CDKL3: variants seen among roughly 807,000 people sequenced by gnomAD.
The protein encoded by CDKL3 is cyclin dependent kinase like 3, also known as cyclin-dependent kinase-like 3.
In CDKL3, 65 loss-of-function variants were observed where a neutral mutation model predicts 69.3. The observed-to-expected ratio is 0.94, with a 90% confidence interval of 0.77 to 1.15. CDKL3 has a LOEUF of 1.15. Among genes scored for constraint, CDKL3 ranks in the 50% most tolerant of loss-of-function variants. The pLI is 0.00. For synonymous variants in CDKL3, 202 were observed against 221.6 expected (o/e 0.91, Z 0.79); for missense variants, 652 against 689.2 (o/e 0.95, Z 0.61).
intron 3 of CDKL3, among the ~76,000 whole-genome samples, chr5:134,356,876 C>T (rs1754738105): frequency 6.6e-6 from 1 of 151,816 alleles, no homozygotes; most frequent in South Asian, 2.1e-4. Context: ...TTTAGCTCCA[C>T]GTGGATGAGG....
At chr5:134,336,792 C>T (rs558366604) in intron 4 of CDKL3, among the ~76,000 whole-genome samples, 1 of 152,270 alleles carries the variant, frequency 6.6e-6, no homozygotes, top group Non-Finnish European at 1.5e-5. Flanking sequence ...GTCAGGGACC[C>T]ACTTGAGGAG....
At chr5:134,371,542 GGGGCTGCGC>G (rs1758413294), upstream of CDKL3, 1 of 1,594,624 alleles carries the variant, frequency 6.3e-7, no homozygotes, top group Non-Finnish European at 8.5e-7. Flanking sequence ...GGGGGGTGGG[GGGGCTGCGC>G]GGGACTTTTT....
At chr5:134,363,957 T>TC (rs1756703662) in intron 2 of CDKL3, among the ~76,000 whole-genome samples, 3 of 96,434 alleles carry the variant, frequency 3.1e-5, no homozygotes, top group African/African-American at 1.3e-4. Context: ...CTCCATTTCT[T>TC]AAAAAAAAAA....
chr5:134,293,134 C>T (rs1410057277), intron 8 of CDKL3, among the ~76,000 whole-genome samples: 2 of 149,888 alleles, frequency 1.3e-5, no homozygotes, highest in South Asian at 2.1e-4. Context: ...AGTTCTCCTG[C>T]CTCAGCCTCC....
intron 3 of CDKL3, among the ~76,000 whole-genome samples, chr5:134,350,939 T>G (rs1753152990): frequency 6.6e-6 from 1 of 152,116 alleles, no homozygotes; most frequent in Non-Finnish European, 1.5e-5. Flanking sequence ...TGCCCTTTCA[T>G]GTCCTTCACA....
intron 4 of CDKL3, among the ~76,000 whole-genome samples, chr5:134,326,815 GTGTATATA>G (rs1774341951): frequency 1.2e-5 from 1 of 81,532 alleles, no homozygotes; most frequent in African/African-American, 5.6e-5. Context: ...ATATATGTGT[GTGTATATA>G]TATATATATA....
chr5:134,298,902 T>G (rs995734009), intron 12 of CDKL3, among the ~76,000 whole-genome samples, 192 bp from the exon 13 acceptor site: 14 of 152,018 alleles, frequency 9.2e-5, no homozygotes, highest in African/African-American at 3.4e-4. Flanking sequence ...CGGGATGGAG[T>G]CTCGCTCTGT....
At position 134,308,817 on chromosome 5, in the gene CDKL3, A is replaced by C. The variant is rs188016354; in HGVS notation, c.882-90T>G. The C allele has an allele frequency of 1.8e-4, 199 of 1,088,332 alleles. 2 individuals are homozygous for C. The East Asian group carries it at 5.1e-3, about 28-fold the overall frequency. The allele number at this position is 1,088,332 out of a possible 1,614,324, so 67.4% of individuals were successfully genotyped here. On this transcript the variant is annotated intron_variant, in intron 7 of 12. Coordinates refer to ENST00000265334, the MANE Select transcript of CDKL3 (RefSeq NM_001113575.2). ...AATAAACCATTTCATCAATTAATGT[A>C]CATTTCAGCTACAGCATAAATAATG...
intron 6 of CDKL3, among the ~76,000 whole-genome samples, chr5:134,313,494 TGAG>T (rs1407074483): frequency 1.3e-5 from 2 of 152,254 alleles, no homozygotes; most frequent in East Asian, 1.9e-4. Flanking sequence ...ATTATACAGA[TGAG>T]GAGACTGAGG....
chr5:134,351,664 T>C (rs1042273817), intron 3 of CDKL3, among the ~76,000 whole-genome samples: 6 of 152,148 alleles, frequency 3.9e-5, no homozygotes, highest in African/African-American at 1.2e-4. Context: ...TCTGGTTATG[T>C]TGCTCAGGCT....
intron 3 of CDKL3, among the ~76,000 whole-genome samples, chr5:134,357,269 C>A (rs1225729372): frequency 1.3e-5 from 2 of 151,916 alleles, no homozygotes; most frequent in African/African-American, 2.4e-5. Context: ...CACGGTGAAA[C>A]CCCGTCTCTA....
intron 7 of CDKL3, among the ~76,000 whole-genome samples, chr5:134,311,217 A>T (rs1215463800): frequency 1.3e-5 from 2 of 152,118 alleles, no homozygotes; most frequent in East Asian, 3.9e-4. Flanking sequence ...AACAACAGGC[A>T]CTGCAGCCGG....
At chr5:134,338,260 G>A (rs1777574860) in intron 4 of CDKL3, among the ~76,000 whole-genome samples, 1 of 152,010 alleles carries the variant, frequency 6.6e-6, no homozygotes, top group African/African-American at 2.4e-5. Context: ...AAAGGGAATA[G>A]AATGACATAA....
chr5:134,301,326 T>A (rs967437970), intron 12 of CDKL3, among the ~76,000 whole-genome samples: 1 of 152,150 alleles, frequency 6.6e-6, no homozygotes, highest in Non-Finnish European at 1.5e-5. Flanking sequence ...ACAACATTTC[T>A]TCTCTGCAAA....
At chr5:134,286,851 T>G (rs568404280) in intron 8 of CDKL3, among the ~76,000 whole-genome samples, 28 of 152,264 alleles carry the variant, frequency 1.8e-4, no homozygotes, top group Non-Finnish European at 3.7e-4. Flanking sequence ...ATGAGATTTG[T>G]GTGGGGACAC....
chr5:134,371,479 G>T, upstream of CDKL3: 1 of 1,266,858 alleles, frequency 7.9e-7, no homozygotes, highest in Non-Finnish European at 1.1e-6. Context: ...AGTCTCGGCG[G>T]CGGCGGCGGC....
chr5:134,359,176 C>G (rs1755362933), intron 3 of CDKL3, among the ~76,000 whole-genome samples: 1 of 151,960 alleles, frequency 6.6e-6, no homozygotes, highest in Non-Finnish European at 1.5e-5. Flanking sequence ...TCATCTCGGA[C>G]AAACACCGAG....
At chr5:134,355,669 T>G (rs1038536789) in intron 3 of CDKL3, among the ~76,000 whole-genome samples, 14 of 147,174 alleles carry the variant, frequency 9.5e-5, no homozygotes, top group African/African-American at 3.7e-4. Context: ...CCTAATTCCA[T>G]TTAACAAATT....
At chr5:134,333,540 C>T (rs192895920) in intron 4 of CDKL3, among the ~76,000 whole-genome samples, 3 of 152,252 alleles carry the variant, frequency 2.0e-5, no homozygotes, top group African/African-American at 7.2e-5. Context: ...TGAATTTTGT[C>T]GAAGGCCTTT....
Sources: gnomAD v4.1 joint callset for allele counts (sites outside exome capture counted in the v4.1 genomes callset) on GRCh38, gnomAD v4.1.1 for gene constraint, MANE v1.5 for transcripts, NCBI Gene and HGNC (gene_info 2026-07-23, HGNC 2026-07-21) for gene names.